The following ADGRV1 variants were observed in gnomAD, a reference collection of about 807,000 sequenced individuals.
ADGRV1 encodes the protein adhesion G protein-coupled receptor V1, also known as G-protein coupled receptor 98.
A neutral mutation model predicts 596.2 loss-of-function variants in ADGRV1; 359 were observed. The ratio of observed to expected loss-of-function variants is 0.60; its 90% CI spans 0.55 to 0.66. ADGRV1 has a LOEUF of 0.66. Ranked by LOEUF, ADGRV1 falls within the 30% of genes least tolerant of loss-of-function variation. The pLI, the probability that ADGRV1 is intolerant of heterozygous loss-of-function variation, is 0.00. For missense variants in ADGRV1, 7,274 were observed against 7,575.6 expected (o/e 0.96, Z 1.48); for synonymous variants, 2,681 against 2,679.2 (o/e 1.00, Z -0.02).
In ADGRV1 at chr5:90,643,827, C is replaced by T; in HGVS notation, c.2578C>T (p.Leu860Phe). ...GTTGGATGAACACTACTGGGTGGTC[C>T]TCAGCAGCCACGGAGAACGGGAAAG... Reference protein sequence around the residue: ...PELDEHYWVVLSSHGERESKL... With the variant: ...PELDEHYWVVFSSHGERESKL... Residue 860 changes from leucine to phenylalanine, a missense_variant, in exon 14 of 90, where the codon CTC becomes TTC. Around this residue, in one of 5 missense-constraint regions of ADGRV1, gnomAD observed 1,715 missense variants for 1,708.8 expected, o/e 1.00. Transcript: ENST00000405460. 1.2e-6 allele frequency: 2 copies of T among 1,608,912 alleles called. No individual in the cohort carries two copies. Among genetic ancestry groups the T allele is most frequent in the Non-Finnish European group, 1.7e-6 (2 of 1,177,274 alleles).
intron 83 of ADGRV1, among the ~76,000 whole-genome samples, chr5:90,948,025 CA>C (rs1170102516): frequency 6.6e-6 from 1 of 152,088 alleles, no homozygotes; most frequent in Non-Finnish European, 1.5e-5. Context: ...CCTTTCCTTA[CA>C]AAGGTGCTTG....
chr5:90,797,196 G>C (rs1002938075), intron 70 of ADGRV1, among the ~76,000 whole-genome samples: 1 of 144,562 alleles, frequency 6.9e-6, no homozygotes, highest in East Asian at 2.1e-4. Flanking sequence ...AAAGAGTCAA[G>C]ACCCATCTTC....
intron 59 of ADGRV1, among the ~76,000 whole-genome samples, chr5:90,769,462 A>G (rs756327737): frequency 4.3e-4 from 65 of 152,190 alleles, no homozygotes; most frequent in African/African-American, 1.3e-3. Context: ...TCCTGGGAAG[A>G]TAAGAGGAAA....
chr5:91,072,531 C>T lies in ADGRV1; in HGVS notation c.18237C>T (p.Phe6079=), dbSNP rs1374099947. ...LTCLVVVFVV[F]IHAYQVKPQW... ...GCCTCGTGGTGGTGTTCGTGGTGTTCATCCATGCCTACCAGGTGAAGCCAC... is the reference window on the plus strand; with the variant it reads ...GCCTCGTGGTGGTGTTCGTGGTGTTTATCCATGCCTACCAGGTGAAGCCAC... The change falls in exon 86 of 90, where the codon TTC becomes TTT. Residue 6079 remains phenylalanine, a synonymous_variant. Coordinates refer to ENST00000405460, the MANE Select transcript of ADGRV1 (RefSeq NM_032119.4). The T allele has an allele frequency of 6.2e-7, 1 of 1,613,680 alleles. No homozygotes were observed. Among genetic ancestry groups the T allele is most frequent in the Non-Finnish European group, 8.5e-7 (1 of 1,179,718 alleles).
intron 1 of ADGRV1, among the ~76,000 whole-genome samples, chr5:90,568,826 A>G (rs992214406): frequency 1.3e-5 from 2 of 152,140 alleles, no homozygotes; most frequent in African/African-American, 4.8e-5. Context: ...CAATTGTTAC[A>G]TCTTTCTGAT....
intron 83 of ADGRV1, among the ~76,000 whole-genome samples, chr5:90,959,448 A>G (rs1365561722): frequency 1.3e-5 from 2 of 152,194 alleles, no homozygotes; most frequent in Non-Finnish European, 2.9e-5. Flanking sequence ...TTTCTTTTGT[A>G]GAAATTGACT....
At chr5:90,914,820 G>A (rs1205677934) in intron 83 of ADGRV1, among the ~76,000 whole-genome samples, 5 of 152,094 alleles carry the variant, frequency 3.3e-5, no homozygotes, top group South Asian at 4.1e-4. Context: ...TTTCTAATAA[G>A]CAGTTGTTAT....
At chr5:90,859,581 G>A (rs913515456) in intron 82 of ADGRV1, among the ~76,000 whole-genome samples, 3 of 151,864 alleles carry the variant, frequency 2.0e-5, no homozygotes, top group Non-Finnish European at 4.4e-5. Context: ...TACAGGCACC[G>A]TGCCGGGATA....
At position 90,729,117 on chromosome 5, in the gene ADGRV1, C is replaced by T. The variant is rs188746311; in HGVS notation, c.10426+184C>T. ...TTGAGAAATATTTAAGCATTATACC[C>T]CTAATCTTGTGTTCTGACTACTACC... On this transcript the variant is annotated intron_variant, in intron 49 of 89. Coordinates refer to ENST00000405460, the MANE Select transcript of ADGRV1 (RefSeq NM_032119.4). Among the ~76,000 whole-genome samples the T allele has an allele frequency of 2.5e-3, 380 of 152,154 alleles. 3 individuals are homozygous for T. The highest frequency in any genetic ancestry group is 8.6e-3 in the African/African-American group (356 of 41,500).
intron 83 of ADGRV1, among the ~76,000 whole-genome samples, chr5:90,949,044 C>T (rs191314932): frequency 6.7e-4 from 102 of 151,968 alleles, no homozygotes; most frequent in Non-Finnish European, 1.2e-3. Context: ...GAATACTATA[C>T]GACAATAAAA....
rs1754405811 is a variant in ADGRV1, at chr5:90,558,867, G to A, written c.-29G>A. The A allele has an allele frequency of 1.3e-6, 2 of 1,560,170 alleles. No individual in the cohort carries two copies. Among genetic ancestry groups the A allele is most frequent in the African/African-American group, 2.7e-5 (2 of 73,864 alleles). On this transcript the variant is annotated 5_prime_UTR_variant, in exon 1 of 90. Transcript: ENST00000405460. ...AGAGGCAGAGCGAGGGTGTGTGGAG[G>A]GCCGGCGGGGACCGCCGGGAGCGCG...
intron 83 of ADGRV1, among the ~76,000 whole-genome samples, chr5:90,902,302 A>T (rs188333994): frequency 3.1e-4 from 47 of 152,258 alleles, no homozygotes; most frequent in Non-Finnish European, 5.3e-4. Context: ...GTTACAGATT[A>T]TACCTGTTTT....
rs372407129 is a variant in ADGRV1 at position 90,855,897 on chromosome 5, C to T, written c.17751C>T (p.Ile5917=). 8 of 1,608,894 alleles carry T rather than the reference C, an allele frequency of 5.0e-6. No homozygotes were observed. The African/African-American group carries it at 1.1e-4, about 22-fold the overall frequency. ...TCTTCACTTCTGGATTTATATGTAT[C>T]TCAGGTCAGTGACAGTATTTTTGAA... ...EAFFTSGFIC[I]SGLCLAVLSH... Residue 5917 remains isoleucine, a synonymous_variant, in exon 82 of 90, where the codon ATC becomes ATT. Coordinates refer to ENST00000405460, the MANE Select transcript of ADGRV1 (RefSeq NM_032119.4).
chr5:90,697,170 A>G (rs764287858), intron 34 of ADGRV1, 24 bp downstream of exon 34: 7 of 1,585,348 alleles, frequency 4.4e-6, no homozygotes, highest in Middle Eastern at 1.7e-4. Context: ...TTTGTTAAGC[A>G]TATTCATTTT....
chr5:90,850,048 G>A (rs946386300), intron 79 of ADGRV1, among the ~76,000 whole-genome samples: 1 of 152,050 alleles, frequency 6.6e-6, no homozygotes, highest in African/African-American at 2.4e-5. Flanking sequence ...GCTTGCCAAG[G>A]GTCACACAAT....
intron 83 of ADGRV1, among the ~76,000 whole-genome samples, chr5:90,933,305 G>T (rs1214819895): frequency 6.6e-6 from 1 of 152,204 alleles, no homozygotes; most frequent in South Asian, 2.1e-4. Flanking sequence ...AAAGGATTAA[G>T]AGTGTTAGAA....
chr5:90,656,037 A>G (rs990084902), intron 20 of ADGRV1, among the ~76,000 whole-genome samples: 2 of 152,190 alleles, frequency 1.3e-5, no homozygotes, highest in Non-Finnish European at 2.9e-5. Context: ...TGCAGAGTGA[A>G]AGATGCCATA....
At chr5:90,913,425 A>C (rs1773074957) in intron 83 of ADGRV1, among the ~76,000 whole-genome samples, 1 of 152,210 alleles carries the variant, frequency 6.6e-6, no homozygotes, top group African/African-American at 2.4e-5. Context: ...TTATTTTTAT[A>C]ATTTGGTAGA....
In ADGRV1 at chr5:90,720,159, C is replaced by T; in HGVS notation, c.9559C>T (p.Leu3187=). The stretch of plus-strand genomic sequence containing the variant: ...TAGACTAGGGGTGCATGTTCAAACC[C>T]TGATAACAGTTTTGCAAAACCAGGC... ...GARLGVHVQT[L]ITVLQNQAPL... is the part of the protein sequence containing the mutation. Residue 3187 remains leucine, a synonymous_variant, in exon 44 of 90, where the codon CTG becomes TTG. Coordinates refer to ENST00000405460, the MANE Select transcript of ADGRV1 (RefSeq NM_032119.4). 4 of 1,610,686 alleles carry T rather than the reference C, an allele frequency of 2.5e-6. No individual in the cohort carries two copies. The highest frequency in any genetic ancestry group is 2.5e-6 in the Non-Finnish European group (3 of 1,178,448).
Sources: gnomAD v4.1 joint callset for allele counts (sites outside exome capture counted in the v4.1 genomes callset) on GRCh38, gnomAD v4.1.1 for gene constraint, gnomAD v4.1.1 regional missense constraint, MANE v1.5 for transcripts, NCBI Gene and HGNC (gene_info 2026-07-23, HGNC 2026-07-21) for gene names.